Variants in KLHL2 observed in about 807,000 individuals in gnomAD.
KLHL2 encodes kelch like family member 2.
A neutral mutation model predicts 75.8 loss-of-function variants in KLHL2; 15 were observed. The ratio of observed to expected loss-of-function variants is 0.20; its 90% CI spans 0.13 to 0.30. The LOEUF (loss-of-function observed/expected upper bound fraction) is 0.30. KLHL2 is among the 10% of genes least tolerant of loss of function. The pLI is 1.00. For synonymous variants in KLHL2, 214 were observed against 251.9 expected, an observed-to-expected ratio of 0.85 and a Z score of 1.42; for missense variants, 381 against 741.0, an observed-to-expected ratio of 0.51 and a Z score of 5.64.
At chr4:165,214,847 A>G (rs1737428720) in intron 1 of KLHL2, among the ~76,000 whole-genome samples, 1 of 152,092 alleles carries the variant, frequency 6.6e-6, no homozygotes, top group Non-Finnish European at 1.5e-5. Flanking sequence ...CAATGGCATT[A>G]TGATATTGTC....
At chr4:165,296,568 CTA>C (rs949001530) in intron 6 of KLHL2, among the ~76,000 whole-genome samples, 7 of 152,082 alleles carry the variant, frequency 4.6e-5, no homozygotes, top group African/African-American at 1.7e-4. Context: ...TATTAGGAGG[CTA>C]TCTTTGGAGA....
Position 165,238,866 on chromosome 4 carries a change from T to C in KLHL2, c.348T>C (p.Thr116=), listed in dbSNP as rs778794442. The C allele has an allele frequency of 2.4e-5, 39 of 1,614,004 alleles. 3 individuals are homozygous for C. The South Asian group carries it at 4.0e-4, about 16-fold the overall frequency. The change falls in exon 4 of 15, where the codon ACT becomes ACC. Residue 116 remains threonine, a synonymous_variant. Transcript: ENST00000226725. The part of the protein sequence containing the change: ...TLRMLIDYVY[T]AEIQVTEENV... Reference sequence around the variant, plus strand: ...GGATGCTAATTGATTATGTTTACACTGCAGAAATTCAGGTTACAGAAGAAA... The same window carrying C: ...GGATGCTAATTGATTATGTTTACACCGCAGAAATTCAGGTTACAGAAGAAA...
chr4:165,278,365 T>C, intron 5 of KLHL2: 1 of 1,280,718 alleles, frequency 7.8e-7, no homozygotes, highest in Non-Finnish European at 1.1e-6. Flanking sequence ...TGCTGGTCAT[T>C]CCTCCATCAA....
intron 2 of KLHL2, among the ~76,000 whole-genome samples, chr4:165,224,540 G>A (rs1738277280): frequency 6.6e-6 from 1 of 152,038 alleles, no homozygotes; most frequent in Admixed American, 6.6e-5. Flanking sequence ...AATGGTTATT[G>A]TGTTTTTCCT....
At chr4:165,212,641 A>G (rs1378508267) in intron 1 of KLHL2, among the ~76,000 whole-genome samples, 12 of 152,214 alleles carry the variant, frequency 7.9e-5, no homozygotes, top group Non-Finnish European at 1.6e-4. Flanking sequence ...TTTATCACTT[A>G]ATCTCACTTA....
chr4:165,234,651 C>G (rs2111072483), intron 3 of KLHL2, among the ~76,000 whole-genome samples: 1 of 131,908 alleles, frequency 7.6e-6, no homozygotes, highest in South Asian at 2.4e-4. Context: ...GAGTCTCGCT[C>G]TGTACCAGGC....
intron 5 of KLHL2, among the ~76,000 whole-genome samples, chr4:165,271,745 C>T (rs140732203): frequency 0.042 from 6,356 of 152,226 alleles, 290 homozygotes; most frequent in African/African-American, 0.11. Context: ...TACAATCCAC[C>T]AACTGCCTGC....
At chr4:165,314,225 T>C in intron 13 of KLHL2, 59 bp downstream of exon 13, 1 of 1,414,802 alleles carries the variant, frequency 7.1e-7, no homozygotes, top group South Asian at 1.2e-5. Context: ...GTTTCACTGG[T>C]ATCACTCTAT....
intron 2 of KLHL2, among the ~76,000 whole-genome samples, chr4:165,221,438 G>C (rs1476440918): frequency 6.6e-6 from 1 of 152,156 alleles, no homozygotes; most frequent in Non-Finnish European, 1.5e-5. Flanking sequence ...CATTGGGAAT[G>C]CTGTGCCACA....
At chr4:165,283,685 G>A (rs941751531) in intron 5 of KLHL2, among the ~76,000 whole-genome samples, 29 of 152,172 alleles carry the variant, frequency 1.9e-4, no homozygotes, top group African/African-American at 7.0e-4. Flanking sequence ...GGGTTCTGGA[G>A]GATGGTGGCC....
chr4:165,321,937 C>T, intron 14 of KLHL2, 95 bp from the exon 15 acceptor site: 1 of 1,072,922 alleles, frequency 9.3e-7, no homozygotes, highest in Admixed American at 1.7e-5. Context: ...TACAGTTCCT[C>T]CTGCCTTCGT....
At chr4:165,294,335 A>G in intron 5 of KLHL2, 24 bp from the exon 6 acceptor site, 9 of 1,348,102 alleles carry the variant, frequency 6.7e-6, no homozygotes, top group Non-Finnish European at 9.5e-6. Flanking sequence ...ATGTTAGTGG[A>G]TTTTCTTTTT....
intron 5 of KLHL2, among the ~76,000 whole-genome samples, chr4:165,275,949 G>C (rs951951964): frequency 2.0e-5 from 3 of 149,358 alleles, no homozygotes; most frequent in African/African-American, 7.5e-5. Context: ...GGTAAAACCA[G>C]GTCTCTACTA....
intron 3 of KLHL2, among the ~76,000 whole-genome samples, chr4:165,237,202 C>T (rs992885637): frequency 6.6e-6 from 1 of 152,098 alleles, no homozygotes; most frequent in Non-Finnish European, 1.5e-5. Context: ...TCACAGGATC[C>T]AGCAAGAATA....
At chr4:165,219,065 C>T (rs1381302710) in intron 1 of KLHL2, among the ~76,000 whole-genome samples, 1 of 152,086 alleles carries the variant, frequency 6.6e-6, no homozygotes, top group South Asian at 2.1e-4. Context: ...AATTCTTGCC[C>T]CCCTCCTCAT....
At chr4:165,297,770 A>G (rs1391247496) in intron 7 of KLHL2, 45 bp downstream of exon 7, 5 of 1,100,998 alleles carry the variant, frequency 4.5e-6, no homozygotes, top group South Asian at 1.2e-5. Context: ...GCACTGTGTC[A>G]CTGGCCTGAC....
chr4:165,213,940 A>T (rs1236961904), intron 1 of KLHL2, among the ~76,000 whole-genome samples: 1 of 152,194 alleles, frequency 6.6e-6, no homozygotes, highest in Admixed American at 6.5e-5. Context: ...GCTCCCTGAG[A>T]TAGGTAGGTG....
chr4:165,315,151 A>G (rs1041842822), intron 13 of KLHL2, among the ~76,000 whole-genome samples: 2 of 152,192 alleles, frequency 1.3e-5, no homozygotes, highest in Non-Finnish European at 1.5e-5. Context: ...AGTATACATT[A>G]AGTTAGAAAA....
At chr4:165,254,155 G>A (rs1249926853) in intron 4 of KLHL2, among the ~76,000 whole-genome samples, 1 of 152,242 alleles carries the variant, frequency 6.6e-6, no homozygotes, top group Non-Finnish European at 1.5e-5. Context: ...GATCAGAGGA[G>A]CTTGTTGTCC....
Sources: allele counts gnomAD v4.1 joint callset (sites outside exome capture counted in the v4.1 genomes callset), GRCh38; gene constraint gnomAD v4.1.1; transcripts MANE v1.5; gene names NCBI Gene and HGNC (gene_info 2026-07-23, HGNC 2026-07-21).